ERC2: variants seen among roughly 807,000 people sequenced by gnomAD.
The protein encoded by ERC2 is ELKS/RAB6-interacting/CAST family member 2, also known as ERC protein 2.
ERC2 carries 42 observed loss-of-function variants against 114.8 expected under a neutral mutation model. That is an observed-to-expected ratio of 0.37 (90% CI 0.29 to 0.47). The LOEUF (loss-of-function observed/expected upper bound fraction) is 0.47. Among genes scored for constraint, ERC2 ranks in the 20% least tolerant of loss-of-function variants. ERC2 has a pLI of 0.99. For missense variants in ERC2, 939 were observed against 1,150.7 expected, an observed-to-expected ratio of 0.82 and a Z score of 2.66; for synonymous variants, 454 against 425.5, an observed-to-expected ratio of 1.07 and a Z score of -0.82.
intron 10 of ERC2, among the ~76,000 whole-genome samples, chr3:55,995,645 G>C (rs1261921295): frequency 2.6e-5 from 4 of 152,146 alleles, no homozygotes; most frequent in Middle Eastern, 3.2e-3. Flanking sequence ...GAAGGCTGGT[G>C]AGTCCCCAGC....
chr3:55,763,672 T>C (rs1311919260), intron 14 of ERC2, among the ~76,000 whole-genome samples: 1 of 152,200 alleles, frequency 6.6e-6, no homozygotes, highest in African/African-American at 2.4e-5. Context: ...CTTTCTGACT[T>C]TAAATTGTGG....
At chr3:55,591,218 T>C (rs1483585065) in intron 17 of ERC2, among the ~76,000 whole-genome samples, 5 of 151,594 alleles carry the variant, frequency 3.3e-5, no homozygotes, top group Non-Finnish European at 5.9e-5. Flanking sequence ...TTTGAAAGCA[T>C]ATGCTTGTTG....
intron 3 of ERC2, among the ~76,000 whole-genome samples, chr3:56,185,492 G>C (rs1315863572): frequency 1.3e-5 from 2 of 152,202 alleles, no homozygotes; most frequent in Non-Finnish European, 2.9e-5. Context: ...ATTATACCCA[G>C]AGCCTCATCC....
intron 3 of ERC2, among the ~76,000 whole-genome samples, chr3:56,244,264 TGTATAAGA>T (rs1416825546): frequency 7.9e-5 from 12 of 152,142 alleles, no homozygotes; most frequent in African/African-American, 2.9e-4. Flanking sequence ...CACTGCCAGT[TGTATAAGA>T]GTATAACACA....
intron 3 of ERC2, among the ~76,000 whole-genome samples, chr3:56,227,767 C>G (rs1032226330): frequency 2.0e-5 from 3 of 152,096 alleles, no homozygotes; most frequent in African/African-American, 7.2e-5. Context: ...TACTTTGTGC[C>G]CCAGAAATTC....
chr3:55,520,499 T>C (rs542558037), intron 17 of ERC2, among the ~76,000 whole-genome samples: 5 of 150,206 alleles, frequency 3.3e-5, no homozygotes, highest in African/African-American at 1.2e-4. Flanking sequence ...CAAGAACACA[T>C]GATAGGAAAG....
chr3:55,522,084 T>G (rs1024836346), intron 17 of ERC2, among the ~76,000 whole-genome samples: 2 of 152,204 alleles, frequency 1.3e-5, no homozygotes, highest in Non-Finnish European at 2.9e-5. Flanking sequence ...TAAATGGAGT[T>G]TTGCATTTCA....
chr3:55,676,271 T>C (rs2061806499), intron 17 of ERC2, among the ~76,000 whole-genome samples: 2 of 151,840 alleles, frequency 1.3e-5, no homozygotes, highest in South Asian at 4.2e-4. Context: ...AGATAAAGCA[T>C]GTATAATATT....
intron 17 of ERC2, among the ~76,000 whole-genome samples, chr3:55,682,027 A>G (rs1256547555): frequency 6.6e-6 from 1 of 152,144 alleles, no homozygotes; most frequent in African/African-American, 2.4e-5. Context: ...CAACTGCCAA[A>G]CTCTTAGAAC....
chr3:56,448,714 A>C (rs2107503248), intron 1 of ERC2, among the ~76,000 whole-genome samples: 1 of 152,292 alleles, frequency 6.6e-6, no homozygotes, highest in Non-Finnish European at 1.5e-5. Context: ...TTCAGCCCAA[A>C]AGCAGCCGTA....
At chr3:55,935,451 T>C (rs934651956) in intron 13 of ERC2, among the ~76,000 whole-genome samples, 1 of 152,222 alleles carries the variant, frequency 6.6e-6, no homozygotes, top group African/African-American at 2.4e-5. Context: ...AGGTGACCAC[T>C]GTGCATTTGC....
chr3:55,679,413 A>T (rs536099715), intron 17 of ERC2, among the ~76,000 whole-genome samples: 12 of 152,272 alleles, frequency 7.9e-5, no homozygotes, highest in African/African-American at 2.6e-4. Flanking sequence ...CCTCAAGTTA[A>T]TCTCAGTATC....
intron 17 of ERC2, among the ~76,000 whole-genome samples, chr3:55,598,171 T>C (rs2058237638): frequency 6.6e-6 from 1 of 152,254 alleles, no homozygotes; most frequent in Non-Finnish European, 1.5e-5. Flanking sequence ...GTTACTATTA[T>C]ATAGATACTA....
intron 2 of ERC2, among the ~76,000 whole-genome samples, chr3:56,413,838 C>A (rs1382442041): frequency 6.6e-6 from 1 of 152,180 alleles, no homozygotes; most frequent in African/African-American, 2.4e-5. Context: ...AACCAAATAA[C>A]CACCAATCTG....
intron 8 of ERC2, 30 bp from the exon 9 acceptor site, chr3:56,010,619 T>G: frequency 1.2e-6 from 2 of 1,606,836 alleles, no homozygotes; most frequent in Non-Finnish European, 8.5e-7. Flanking sequence ...AAAGAAGAGG[T>G]GAGAACCCAT....
At chr3:56,252,061 A>G (rs2052197216) in intron 3 of ERC2, among the ~76,000 whole-genome samples, 1 of 152,136 alleles carries the variant, frequency 6.6e-6, no homozygotes, top group African/African-American at 2.4e-5. Context: ...GGCTGGGTGA[A>G]AGCAGGAGGG....
intron 17 of ERC2, among the ~76,000 whole-genome samples, chr3:55,613,656 G>T (rs995169806): frequency 6.6e-6 from 1 of 152,062 alleles, no homozygotes; most frequent in African/African-American, 2.4e-5. Flanking sequence ...GAAGAAGTCG[G>T]GATAATGGCA....
chr3:56,306,820 G>A (rs1402541893), intron 2 of ERC2, among the ~76,000 whole-genome samples: 1 of 152,178 alleles, frequency 6.6e-6, no homozygotes, highest in Non-Finnish European at 1.5e-5. Context: ...CTTTCAAGCT[G>A]TGTGATCTTG....
intron 3 of ERC2, among the ~76,000 whole-genome samples, chr3:56,209,545 G>A (rs1217468799): frequency 6.6e-6 from 1 of 152,142 alleles, no homozygotes; most frequent in Admixed American, 6.5e-5. Flanking sequence ...GCACACTGAG[G>A]CACATAGCCA....
Sources: allele counts gnomAD v4.1 joint callset (sites outside exome capture counted in the v4.1 genomes callset), GRCh38; gene constraint gnomAD v4.1.1; transcripts MANE v1.5; gene names NCBI Gene and HGNC (gene_info 2026-07-23, HGNC 2026-07-21).